Variants in UMOD observed in about 807,000 individuals in gnomAD.
UMOD encodes uromodulin.
UMOD carries 64 observed loss-of-function variants against 66.0 expected under a neutral mutation model. The observed-to-expected ratio is 0.97, with a 90% CI of 0.79 to 1.19. The LOEUF (loss-of-function observed/expected upper bound fraction) is 1.19. Among genes scored for constraint, UMOD ranks in the 50% most tolerant of loss-of-function variants. The pLI is 0.00. For missense variants in UMOD, 764 were observed against 850.9 expected (o/e 0.90, Z 1.27); for synonymous variants, 398 against 352.7 (o/e 1.13, Z -1.44).
At position 20,333,259 on chromosome 16, in the gene UMOD, C is replaced by T. The variant is rs1430505550; in HGVS notation, c.*55G>A. 2 of 1,568,860 alleles carry T rather than the reference C, an allele frequency of 1.3e-6. No homozygotes were observed. Among genetic ancestry groups the T allele is most frequent in the Non-Finnish European group, 1.7e-6 (2 of 1,144,988 alleles). On this transcript the variant is annotated 3_prime_UTR_variant, in exon 11 of 11. Transcript: ENST00000396138. ...GGAGCACTGGCCCGCATCATGCCCC[C>T]TGCCCAGCAGGAGGTGAGATGGCAG...
At position 20,336,690 on chromosome 16, in the gene UMOD, A is replaced by G; in HGVS notation, c.1778T>C (p.Ile593Thr). ...CAAGTTCAGGACACGGGATTGATCT[A>G]TGACACTCCCACTTCGGAATCTGGT... ...SGTRFRSGSV[I>T]DQSRVLNLGP... Residue 593 changes from isoleucine to threonine, a missense_variant, in exon 9 of 11, where the codon ATA (isoleucine) becomes ACA (threonine). Ile to Thr is a moderately conservative substitution (Grantham distance 89). Transcript: ENST00000396138. 2.5e-6 allele frequency: 4 copies of G among 1,614,154 alleles called. No homozygotes were observed. Among genetic ancestry groups the G allele is most frequent in the Non-Finnish European group, 3.4e-6 (4 of 1,179,998 alleles).
intron 10 of UMOD, 22 bp from the exon 11 acceptor site, chr16:20,333,397 G>A (rs770570671): frequency 1.2e-6 from 2 of 1,605,936 alleles, no homozygotes; most frequent in South Asian, 1.1e-5. Flanking sequence ...ACAGTGACAG[G>A]GCAACTGCTA....
chr16:20,345,304 A>T (rs1965479359), intron 5 of UMOD, among the ~76,000 whole-genome samples: 1 of 151,946 alleles, frequency 6.6e-6, no homozygotes, highest in East Asian at 1.9e-4. Context: ...GTGAGCCACC[A>T]TGCCCGGCCA....
intron 4 of UMOD, 23 bp downstream of exon 4, chr16:20,348,200 C>T: frequency 1.2e-6 from 2 of 1,608,492 alleles, no homozygotes; most frequent in Non-Finnish European, 8.5e-7. Context: ...CTCAACAACC[C>T]GCTTCCTCCC....
At chr16:20,353,329 C>T (rs1257677573), upstream of UMOD, among the ~76,000 whole-genome samples, 2 of 152,158 alleles carry the variant, frequency 1.3e-5, no homozygotes, top group Non-Finnish European at 2.9e-5. Flanking sequence ...TGGGAGGTCC[C>T]TTTGGAGGCG....
intron 5 of UMOD, among the ~76,000 whole-genome samples, chr16:20,344,527 C>T (rs1053466716): frequency 1.1e-4 from 17 of 150,628 alleles, no homozygotes; most frequent in Non-Finnish European, 2.2e-4. Flanking sequence ...CGCTTGAACC[C>T]GGGAGGCAGA....
At chr16:20,345,244 C>T (rs1296960881) in intron 5 of UMOD, among the ~76,000 whole-genome samples, 5 of 152,120 alleles carry the variant, frequency 3.3e-5, no homozygotes. Flanking sequence ...AAACTCCTGA[C>T]CTCAAGTTAT....
chr16:20,334,099 T>C (rs972689839), intron 10 of UMOD, among the ~76,000 whole-genome samples: 4 of 149,268 alleles, frequency 2.7e-5, no homozygotes, highest in Non-Finnish European at 4.4e-5. Flanking sequence ...TACCAGTAGC[T>C]GTTGCATAGA....
chr16:20,334,002 C>T (rs1964735477), intron 10 of UMOD, among the ~76,000 whole-genome samples: 2 of 143,982 alleles, frequency 1.4e-5, no homozygotes, highest in African/African-American at 5.2e-5. Flanking sequence ...CCACTGCACT[C>T]CAGCCTGGGT....
chr16:20,343,001 G>C (rs1458948830), intron 6 of UMOD, among the ~76,000 whole-genome samples: 1 of 152,086 alleles, frequency 6.6e-6, no homozygotes, highest in Non-Finnish European at 1.5e-5. Context: ...GTGGTGGTGG[G>C]CACCTATAAT....
At chr16:20,335,718 G>A (rs1338614931) in intron 9 of UMOD, among the ~76,000 whole-genome samples, 198 bp from the exon 10 acceptor site, 1 of 152,192 alleles carries the variant, frequency 6.6e-6, no homozygotes, top group African/African-American at 2.4e-5. Context: ...CCAACCCTTA[G>A]CAAGAACTGC....
At chr16:20,340,472 G>A (rs867020353) in intron 7 of UMOD, among the ~76,000 whole-genome samples, 1,226 of 112,496 alleles carry the variant, frequency 0.011, 20 homozygotes, top group African/African-American at 0.045. Flanking sequence ...GTGTGTGTGT[G>A]TATATATATA....
intron 6 of UMOD, among the ~76,000 whole-genome samples, chr16:20,342,807 A>G (rs1022269031): frequency 6.6e-6 from 1 of 152,180 alleles, no homozygotes; most frequent in Non-Finnish European, 1.5e-5. Flanking sequence ...ACTGGCTATA[A>G]TGCCTGAGAT....
upstream of UMOD, among the ~76,000 whole-genome samples, chr16:20,355,480 T>C (rs917961549): frequency 1.3e-4 from 19 of 151,288 alleles, no homozygotes; most frequent in African/African-American, 4.4e-4. Context: ...CTTGGCTCAC[T>C]GCAACCTCCA....
chr16:20,340,342 G>A (rs998758835), intron 7 of UMOD, among the ~76,000 whole-genome samples: 4 of 151,546 alleles, frequency 2.6e-5, no homozygotes, highest in Admixed American at 1.3e-4. Context: ...ACTGTATTCC[G>A]GCCTGGGTGA....
intron 6 of UMOD, chr16:20,342,592 A>C (rs1402634842): frequency 6.6e-6 from 1 of 152,170 alleles, no homozygotes; most frequent in African/African-American, 2.4e-5. Flanking sequence ...CAAGCTTCGA[A>C]GGGAAGGTCA....
At chr16:20,335,943 T>G (rs550795592) in intron 9 of UMOD, among the ~76,000 whole-genome samples, 2 of 152,244 alleles carry the variant, frequency 1.3e-5, no homozygotes, top group Admixed American at 6.5e-5. Context: ...TGTTCCTTCC[T>G]GGGTGTAGGC....
Position 20,349,087 on chromosome 16 carries a change from G to C in UMOD, c.214C>G (p.Pro72Ala), listed in dbSNP as rs959260806. ...TCVDLDECAI[P>A]GAHNCSANSS... is the part of the protein sequence containing the mutation. Reference sequence around the variant, plus strand: ...TTGGCGGAGCAGTTGTGAGCTCCAGGAATGGCGCACTCATCCAGGTCCACG... The same window carrying C: ...TTGGCGGAGCAGTTGTGAGCTCCAGCAATGGCGCACTCATCCAGGTCCACG... The change falls in exon 3 of 11, where the codon CCT (proline) becomes GCT (alanine). Residue 72 changes from proline to alanine, a missense_variant. By Grantham distance (27) the Pro-to-Ala change is conservative. Coordinates refer to ENST00000396138, the MANE Select transcript of UMOD (RefSeq NM_003361.4). The C allele has an allele frequency of 1.9e-6, 3 of 1,613,142 alleles. No individual in the cohort carries two copies. The highest frequency in any genetic ancestry group is 2.5e-6 in the Non-Finnish European group (3 of 1,179,628).
upstream of UMOD, chr16:20,352,989 T>C (rs1596570389): frequency 5.8e-6 from 2 of 347,104 alleles, no homozygotes; most frequent in Non-Finnish European, 1.0e-5. Context: ...AGAGATTCCA[T>C]AGTTAGAAAT....
Sources: allele counts gnomAD v4.1 joint callset (sites outside exome capture counted in the v4.1 genomes callset), GRCh38; gene constraint gnomAD v4.1.1; transcripts MANE v1.5; gene names NCBI Gene and HGNC (gene_info 2026-07-23, HGNC 2026-07-21).